FOXP1: variants seen among roughly 807,000 people sequenced by gnomAD.
FOXP1 encodes the protein forkhead box P1, also known as forkhead box protein P1.
Under a neutral mutation model 98.2 loss-of-function variants are expected in FOXP1, and 15 were observed. The observed-to-expected ratio is 0.15, with a 90% CI of 0.10 to 0.24. The LOEUF (loss-of-function observed/expected upper bound fraction) is 0.24. FOXP1 is among the 10% of genes least tolerant of loss of function. The pLI is 1.00. For synonymous variants in FOXP1, 371 were observed against 314.5 expected (o/e 1.18, Z -1.90); for missense variants, 633 against 848.5 (o/e 0.75, Z 3.15).
At chr3:71,284,153 G>A (rs1048447854) in intron 5 of FOXP1, among the ~76,000 whole-genome samples, 1 of 152,128 alleles carries the variant, frequency 6.6e-6, no homozygotes, top group Non-Finnish European at 1.5e-5. Context: ...TTCTCATCCA[G>A]TACTGATAGG....
chr3:71,338,954 A>G (rs565221092), intron 4 of FOXP1, among the ~76,000 whole-genome samples: 1 of 152,332 alleles, frequency 6.6e-6, no homozygotes, highest in Non-Finnish European at 1.5e-5. Context: ...AAAGAACACT[A>G]GGATGGTTTA....
At chr3:71,558,422 G>T (rs953812598) in intron 2 of FOXP1, among the ~76,000 whole-genome samples, 1 of 152,186 alleles carries the variant, frequency 6.6e-6, no homozygotes, top group Admixed American at 6.5e-5. Flanking sequence ...GGCTAAGATG[G>T]CAGAAAGTTT....
In FOXP1 at chr3:71,020,829, C is replaced by A. The variant is rs2045321878; in HGVS notation, c.870-5176G>T. 3.3e-5 allele frequency among the ~76,000 whole-genome samples: 5 copies of A among 152,274 alleles called. No individual in the cohort carries two copies. The South Asian group carries it at 1.0e-3, about 32-fold the overall frequency. On this transcript the variant is annotated intron_variant, in intron 11 of 20. Coordinates refer to ENST00000649528, the MANE Select transcript of FOXP1 (RefSeq NM_001349338.3). ...CTTTCCAAATTTGCCTTGTTTTCCT[C>A]CTCTCCAAATTTCTGATTCATCTGC...
intron 2 of FOXP1, among the ~76,000 whole-genome samples, chr3:71,538,029 T>C (rs1037522966): frequency 2.0e-5 from 3 of 152,350 alleles, no homozygotes; most frequent in Admixed American, 6.5e-5. Context: ...AGAGACTGTA[T>C]GGCCTGCAAA....
intron 2 of FOXP1, among the ~76,000 whole-genome samples, chr3:71,494,634 G>T (rs2091284162): frequency 6.6e-6 from 1 of 152,204 alleles, no homozygotes; most frequent in Non-Finnish European, 1.5e-5. Context: ...ATTCTAGATT[G>T]ATGCTTCTCA....
intron 4 of FOXP1, among the ~76,000 whole-genome samples, chr3:71,310,910 T>C (rs1478875719): frequency 6.6e-6 from 1 of 152,236 alleles, no homozygotes; most frequent in African/African-American, 2.4e-5. Flanking sequence ...CATCTGGCTC[T>C]TGGCGGTTCC....
At chr3:71,415,418 C>T (rs1577381507) in intron 3 of FOXP1, among the ~76,000 whole-genome samples, 1 of 152,232 alleles carries the variant, frequency 6.6e-6, no homozygotes, top group Admixed American at 6.5e-5. Flanking sequence ...ACAATGTAGA[C>T]ATAAAAACAT....
chr3:71,406,405 G>GTGTATATATATA (rs1347753258), intron 3 of FOXP1, among the ~76,000 whole-genome samples: 2 of 106,012 alleles, frequency 1.9e-5, no homozygotes, highest in Non-Finnish European at 4.4e-5. Context: ...AACTGTATGT[G>GTGTATATATATA]TATATATATA....
chr3:71,554,932 T>C (rs546533362), intron 2 of FOXP1, among the ~76,000 whole-genome samples: 18 of 152,284 alleles, frequency 1.2e-4, no homozygotes, highest in Admixed American at 2.6e-4. Flanking sequence ...ATAGTAAATG[T>C]CAAAAATATT....
At chr3:71,535,134 G>A (rs1456108567) in intron 2 of FOXP1, among the ~76,000 whole-genome samples, 4 of 152,168 alleles carry the variant, frequency 2.6e-5, no homozygotes, top group African/African-American at 4.8e-5. Context: ...TGAAAATCCT[G>A]TGTTCCTTTA....
intron 7 of FOXP1, among the ~76,000 whole-genome samples, chr3:71,089,965 G>C (rs1218826465): frequency 1.3e-5 from 2 of 152,144 alleles, no homozygotes; most frequent in Non-Finnish European, 2.9e-5. Flanking sequence ...TATATTGCTT[G>C]AACTTCTGAT....
At chr3:70,974,903 A>C (rs1362176463) in intron 17 of FOXP1, among the ~76,000 whole-genome samples, 1 of 152,212 alleles carries the variant, frequency 6.6e-6, no homozygotes, top group African/African-American at 2.4e-5. Context: ...CACAAAGCCA[A>C]AACTTCAGTT....
chr3:71,457,193 T>C (rs1376009630), intron 3 of FOXP1, among the ~76,000 whole-genome samples: 1 of 151,976 alleles, frequency 6.6e-6, no homozygotes, highest in Admixed American at 6.6e-5. Context: ...TATCATAATA[T>C]ACTTGTGGAT....
intron 14 of FOXP1, among the ~76,000 whole-genome samples, chr3:70,979,203 G>T (rs533198681): frequency 7.2e-6 from 1 of 138,482 alleles, no homozygotes; most frequent in South Asian, 2.5e-4. Flanking sequence ...GATAGCTTGA[G>T]TCTGGGAGGC....
chr3:71,466,552 G>A (rs2088763269), intron 3 of FOXP1, among the ~76,000 whole-genome samples: 2 of 152,164 alleles, frequency 1.3e-5, no homozygotes, highest in South Asian at 4.1e-4. Flanking sequence ...TATGCTATGC[G>A]AATCTGATCG....
intron 14 of FOXP1, among the ~76,000 whole-genome samples, chr3:70,979,792 AAGGG>A (rs2038480093): frequency 1.3e-5 from 2 of 151,756 alleles, no homozygotes; most frequent in Admixed American, 6.6e-5. Context: ...AAAAAAAAAA[AAGGG>A]AGGGGGGCCT....
intron 6 of FOXP1, among the ~76,000 whole-genome samples, chr3:71,173,420 C>CAT (rs1398092781): frequency 6.7e-6 from 1 of 149,324 alleles, no homozygotes; most frequent in African/African-American, 2.5e-5. Context: ...CACACACACA[C>CAT]ACTTTTTGCC....
intron 6 of FOXP1, among the ~76,000 whole-genome samples, chr3:71,178,879 A>C (rs1378730398): frequency 6.6e-6 from 1 of 151,480 alleles, no homozygotes; most frequent in African/African-American, 2.4e-5. Context: ...GCGAGACTCC[A>C]ACTCAAAAAC....
intron 4 of FOXP1, chr3:71,329,673 A>G (rs2076179919): frequency 6.6e-6 from 1 of 152,134 alleles, no homozygotes; most frequent in African/African-American, 2.4e-5. Flanking sequence ...GTGAGATGAG[A>G]AGAACAACTA....
Sources: gnomAD v4.1 joint callset for allele counts (sites outside exome capture counted in the v4.1 genomes callset) on GRCh38, gnomAD v4.1.1 for gene constraint, MANE v1.5 for transcripts, NCBI Gene and HGNC (gene_info 2026-07-23, HGNC 2026-07-21) for gene names.